C11orf65: variants seen among roughly 807,000 people sequenced by gnomAD.
C11orf65 encodes protein MFI.
A neutral mutation model predicts 35.3 loss-of-function variants in C11orf65; 38 were observed. The observed-to-expected ratio is 1.08, with a 90% CI of 0.83 to 1.41. C11orf65 has a LOEUF of 1.41. Among genes scored for constraint, C11orf65 ranks in the 40% most tolerant of loss-of-function variants. C11orf65 has a pLI of 0.00. For synonymous variants in C11orf65, 105 were observed against 114.4 expected, an observed-to-expected ratio of 0.92 and a Z score of 0.53; for missense variants, 370 against 367.1, an observed-to-expected ratio of 1.01 and a Z score of -0.06.
At chr11:108,369,838 A>G (rs2091502798) in intron 2 of C11orf65, among the ~76,000 whole-genome samples, 1 of 152,206 alleles carries the variant, frequency 6.6e-6, no homozygotes, top group Non-Finnish European at 1.5e-5. Context: ...GTCTCATTTT[A>G]ATTTGTACCT....
chr11:108,323,474 C>A (rs1295027689), intron 6 of C11orf65, among the ~76,000 whole-genome samples: 1 of 152,010 alleles, frequency 6.6e-6, no homozygotes, highest in African/African-American at 2.4e-5. Context: ...GAAATAAGAT[C>A]TAGTGTTTGA....
intron 7 of C11orf65, 108 bp downstream of exon 7, chr11:108,393,100 T>C: frequency 5.6e-6 from 7 of 1,256,592 alleles, no homozygotes; most frequent in Middle Eastern, 2.0e-4. Context: ...GGTTTTTTTT[T>C]TCTTTGAAGA....
intron 3 of C11orf65, among the ~76,000 whole-genome samples, chr11:108,424,045 G>T (rs996062897): frequency 6.6e-6 from 1 of 152,162 alleles, no homozygotes; most frequent in Non-Finnish European, 1.5e-5. Context: ...AACTAAACTG[G>T]ACAGAGAATG....
chr11:108,460,563 CAGTCA>C (rs2093461198), intron 2 of C11orf65, among the ~76,000 whole-genome samples: 1 of 152,156 alleles, frequency 6.6e-6, no homozygotes, highest in African/African-American at 2.4e-5. Flanking sequence ...GCTGGTTCCT[CAGTCA>C]AGAAATAAAG....
chr11:108,441,435 G>C (rs1404511459), intron 2 of C11orf65, among the ~76,000 whole-genome samples: 1 of 152,238 alleles, frequency 6.6e-6, no homozygotes, highest in African/African-American at 2.4e-5. Flanking sequence ...AACTTCTGCA[G>C]ACTTAAACGT....
chr11:108,337,011 A>G (rs1030222552), intron 2 of C11orf65, among the ~76,000 whole-genome samples: 8 of 152,272 alleles, frequency 5.3e-5, no homozygotes, highest in Non-Finnish European at 7.4e-5. Context: ...GCTTTTTTAT[A>G]TATTTCTAGT....
intron 6 of C11orf65, chr11:108,312,419 C>A: frequency 6.3e-7 from 1 of 1,590,942 alleles, no homozygotes; most frequent in Admixed American, 1.7e-5. Flanking sequence ...AGAAGTCTTG[C>A]ATTTGAAGAA....
At chr11:108,468,278 T>C (rs1185596518), upstream of C11orf65, among the ~76,000 whole-genome samples, 1 of 152,256 alleles carries the variant, frequency 6.6e-6, no homozygotes, top group Non-Finnish European at 1.5e-5. Flanking sequence ...GCTCTTCAGC[T>C]GGTTAAGCTA....
chr11:108,443,418 A>C (rs2093192854), intron 2 of C11orf65, among the ~76,000 whole-genome samples: 1 of 152,172 alleles, frequency 6.6e-6, no homozygotes, highest in Non-Finnish European at 1.5e-5. Flanking sequence ...CAGATCAACG[A>C]AACAGAAGGT....
chr11:108,465,750 C>T (rs2093527820), intron 1 of C11orf65, among the ~76,000 whole-genome samples: 1 of 151,626 alleles, frequency 6.6e-6, no homozygotes, highest in Non-Finnish European at 1.5e-5. Flanking sequence ...TTTGGGAGGC[C>T]AAGGTGGGCG....
chr11:108,376,948 A>C (rs2091745441), intron 2 of C11orf65, among the ~76,000 whole-genome samples: 1 of 152,146 alleles, frequency 6.6e-6, no homozygotes, highest in Non-Finnish European at 1.5e-5. Flanking sequence ...TGAATCTCTG[A>C]ATAGACCAAT....
At chr11:108,326,116 C>CTT in intron 6 of C11orf65, 1 of 1,614,124 alleles carries the variant, frequency 6.2e-7, no homozygotes, top group Non-Finnish European at 8.5e-7. Flanking sequence ...TGTGGAGTCT[C>CTT]TGAGTGGCAG....
At chr11:108,436,578 C>T (rs1486456343) in intron 2 of C11orf65, among the ~76,000 whole-genome samples, 1 of 152,024 alleles carries the variant, frequency 6.6e-6, no homozygotes, top group Non-Finnish European at 1.5e-5. Flanking sequence ...GTATGGATGC[C>T]AAGGTGACAA....
At chr11:108,402,202 G>A (rs907461972) in intron 6 of C11orf65, among the ~76,000 whole-genome samples, 2 of 152,200 alleles carry the variant, frequency 1.3e-5, no homozygotes, top group East Asian at 3.8e-4. Flanking sequence ...TGTGGCAACT[G>A]TGCCAGTGCA....
At chr11:108,345,328 T>G (rs919608938) in intron 2 of C11orf65, among the ~76,000 whole-genome samples, 2 of 152,218 alleles carry the variant, frequency 1.3e-5, no homozygotes, top group Non-Finnish European at 2.9e-5. Flanking sequence ...TGTTGGAGGA[T>G]AGAGATCTGA....
downstream of C11orf65, among the ~76,000 whole-genome samples, chr11:108,381,480 G>A (rs76239575): frequency 1.5e-4 from 23 of 152,310 alleles, no homozygotes; most frequent in East Asian, 4.0e-3. Context: ...AAATTCTGAA[G>A]TACATTCTGT....
chr11:108,343,134 G>T, intron 2 of C11orf65: 4 of 1,510,138 alleles, frequency 2.6e-6, no homozygotes, highest in African/African-American at 1.4e-5. Context: ...GAAAAAAAAT[G>T]CTTTGCACTG....
chr11:108,335,130 C>G, intron 3 of C11orf65: 1 of 1,613,800 alleles, frequency 6.2e-7, no homozygotes. Context: ...CCTTCTCTGG[C>G]TTAGCCCTTA....
Position 108,315,858 on chromosome 11 carries a change from G to A in C11orf65, c.641-6787C>T, listed in dbSNP as rs138987778. On this transcript the variant is annotated intron_variant, in intron 6 of 6. Coordinates refer to the C11orf65 transcript ENST00000525729. Reference sequence around the variant, plus strand: ...TAGAAATCTACAGAAGTATAGGGGAGCCAGATAGTTTGTATGGCTGTGGTG... The same window carrying A: ...TAGAAATCTACAGAAGTATAGGGGAACCAGATAGTTTGTATGGCTGTGGTG... 4.3e-6 allele frequency: 7 copies of A among 1,613,338 alleles called. No homozygotes were observed. In the African/African-American group the frequency reaches 9.3e-5, roughly 22 times the overall value.
Sources: allele counts gnomAD v4.1 joint callset (sites outside exome capture counted in the v4.1 genomes callset), GRCh38; gene constraint gnomAD v4.1.1; transcripts MANE v1.5; gene names NCBI Gene and HGNC (gene_info 2026-07-23, HGNC 2026-07-21).